The following COPG2 variants were observed in gnomAD, a reference collection of about 807,000 sequenced individuals.
COPG2 encodes coatomer subunit gamma-2.
Under a neutral mutation model 46.3 loss-of-function variants are expected in COPG2, and 37 were observed. That is an observed-to-expected ratio of 0.80 (90% CI 0.61 to 1.05). The LOEUF (loss-of-function observed/expected upper bound fraction) is 1.05, where lower values mean the gene tolerates loss of function less well. COPG2 is among the 50% of genes least tolerant of loss of function. The pLI is 0.00. For synonymous variants in COPG2, 159 were observed against 129.7 expected, an observed-to-expected ratio of 1.23 and a Z score of -1.53; for missense variants, 427 against 387.8, an observed-to-expected ratio of 1.10 and a Z score of -0.85.
At chr7:130,636,049 T>C (rs1293018572) in intron 5 of COPG2, among the ~76,000 whole-genome samples, 10 of 152,226 alleles carry the variant, frequency 6.6e-5, no homozygotes, top group African/African-American at 2.4e-4. Context: ...CTAATTGGAT[T>C]GCACCATGGT....
chr7:130,574,683 G>A (rs1793973704), intron 9 of COPG2, among the ~76,000 whole-genome samples: 1 of 152,074 alleles, frequency 6.6e-6, no homozygotes, highest in South Asian at 2.1e-4. Context: ...CACCAGCAAT[G>A]GATCTAAGCC....
chr7:130,667,623 G>C lies in COPG2; in HGVS notation c.38-89C>G, dbSNP rs964560549. ...CCAGAGAAGGGTACTGAATGCTTGG[G>C]AAGTGAACACTTGGATGGCACAGTG... On this transcript the variant is annotated intron_variant, in intron 1 of 23. Transcript: ENST00000425248. 4.0e-6 allele frequency: 4 copies of C among 989,476 alleles called. No individual in the cohort carries two copies. The African/African-American group carries it at 4.8e-5, about 12-fold the overall frequency. 61.3% of individuals were successfully genotyped at this position (989,476 alleles called of 1,614,324 possible). A position where few individuals can be genotyped will look rare whatever the true frequency, so the allele number is the denominator to read the frequency against.
At chr7:130,513,742 A>G (rs1554441380) in intron 20 of COPG2, among the ~76,000 whole-genome samples, 1 of 152,174 alleles carries the variant, frequency 6.6e-6, no homozygotes, top group Non-Finnish European at 1.5e-5. Flanking sequence ...GTGTTTTCAG[A>G]GTAGTGTGGA....
intron 9 of COPG2, chr7:130,605,589 C>A: frequency 2.5e-6 from 1 of 401,650 alleles, no homozygotes; most frequent in Non-Finnish European, 5.0e-6. Context: ...CCTTTAGTTG[C>A]TCATTGAAAG....
At chr7:130,516,396 G>A (rs1274869677) in intron 20 of COPG2, among the ~76,000 whole-genome samples, 1 of 152,156 alleles carries the variant, frequency 6.6e-6, no homozygotes, top group Non-Finnish European at 1.5e-5. Context: ...ACTATGAAAG[G>A]TTAGGCTATA....
Position 130,557,965 on chromosome 7 carries a change from A to G in COPG2, c.1129-2833T>C, listed in dbSNP as rs963276231. Among the ~76,000 whole-genome samples the G allele has an allele frequency of 7.9e-5, 12 of 152,032 alleles. No individual in the cohort carries two copies. In the South Asian group the frequency reaches 2.5e-3, roughly 32 times the overall value. Reference sequence around the variant, plus strand: ...ATATGAATAAACAGACCAATATATAAGTAGAAAAGACACTCCAGAAACAGA... The same window carrying G: ...ATATGAATAAACAGACCAATATATAGGTAGAAAAGACACTCCAGAAACAGA... On this transcript the variant is annotated intron_variant, in intron 12 of 23. Transcript: ENST00000425248.
At chr7:130,641,968 G>A (rs933752) in intron 5 of COPG2, among the ~76,000 whole-genome samples, 120,888 of 152,086 alleles carry the variant, frequency 0.79, 48,336 homozygotes, top group Non-Finnish European at 0.85. Context: ...TTCTGAAACC[G>A]GGACGTAACT....
At chr7:130,537,043 G>A (rs963914213) in intron 20 of COPG2, among the ~76,000 whole-genome samples, 2 of 152,066 alleles carry the variant, frequency 1.3e-5, no homozygotes, top group African/African-American at 2.4e-5. Flanking sequence ...AGAGGAGCTG[G>A]GTCTCAGGCA....
intron 20 of COPG2, chr7:130,511,648 A>G (rs781887718): frequency 3.5e-5 from 18 of 515,886 alleles, no homozygotes; most frequent in South Asian, 1.4e-4. Context: ...GCCAAAAGTC[A>G]TAAGAGAGTA....
At chr7:130,614,622 G>A (rs1479083077) in intron 6 of COPG2, among the ~76,000 whole-genome samples, 1 of 152,134 alleles carries the variant, frequency 6.6e-6, no homozygotes, top group Admixed American at 6.5e-5. Flanking sequence ...TCAGACACAG[G>A]TGGATATAAG....
rs986360689 is a variant in COPG2 at position 130,549,329 on chromosome 7, G to C, written c.1822C>G (p.Gln608Glu). ...ATCATCATACCTTGGAAAATGTCTT[G>C]CCTGGAAGGAGCCAACTTCTCTGGC... ...TKPEKLAPSR[Q>E]DIFQEQLAAI... The change falls in exon 18 of 24, where the codon CAA (glutamine) becomes GAA (glutamate). Residue 608 changes from glutamine to glutamate, a missense_variant. Coordinates refer to ENST00000425248, the MANE Select transcript of COPG2 (RefSeq NM_012133.6). 2.5e-6 allele frequency: 1 copy of C among 398,516 alleles called. No homozygotes were observed. The highest frequency in any genetic ancestry group is 3.6e-5 in the East Asian group (1 of 28,056). The allele number at this position is 398,516 out of a possible 1,614,324, so 24.7% of individuals were successfully genotyped here. A position where few individuals can be genotyped will look rare whatever the true frequency, so the allele number is the denominator to read the frequency against.
intron 9 of COPG2, chr7:130,608,212 T>C (rs368747353): frequency 2.1e-6 from 1 of 468,338 alleles, no homozygotes; most frequent in Admixed American, 2.3e-5. Flanking sequence ...TACTACTGCA[T>C]GATACAAAAA....
chr7:130,592,384 C>A (rs1794448407), intron 9 of COPG2, among the ~76,000 whole-genome samples: 1 of 143,458 alleles, frequency 7.0e-6, no homozygotes. Flanking sequence ...CGAGAAACAC[C>A]CAAGAATGAT....
intron 9 of COPG2, 140 bp downstream of exon 9, chr7:130,610,813 A>AT (rs1554451933): frequency 7.2e-6 from 6 of 838,260 alleles, no homozygotes; most frequent in Non-Finnish European, 1.2e-5. Context: ...AAATTCCATA[A>AT]TTTTTTTAAA....
chr7:130,612,224 T>C lies in COPG2; in HGVS notation c.507A>G (p.Ile169Met). The change falls in exon 8 of 24, where the codon ATA (isoleucine) becomes ATG (methionine). Residue 169 changes from isoleucine to methionine, a missense_variant. Coordinates refer to ENST00000425248, the MANE Select transcript of COPG2 (RefSeq NM_012133.6). ...TCCAGCGCTTAACCACATCATAGCT[T>C]ATCTTCATCATGTGCTAAATACAGA... is the stretch of plus-strand genomic sequence containing the variant. ...ALVSSLHMMK[I>M]SYDVVKRWIN... 1 of 1,594,818 alleles carries C rather than the reference T, an allele frequency of 6.3e-7. No individual in the cohort carries two copies. Among genetic ancestry groups the C allele is most frequent in the East Asian group, 2.3e-5 (1 of 44,406 alleles).
chr7:130,532,376 T>C (rs1049593730), intron 20 of COPG2, among the ~76,000 whole-genome samples: 26 of 151,666 alleles, frequency 1.7e-4, no homozygotes, highest in Admixed American at 5.3e-4. Flanking sequence ...TCTGTTGTCA[T>C]GGGGAGGGAA....
At chr7:130,615,220 A>G (rs1794929263) in intron 6 of COPG2, among the ~76,000 whole-genome samples, 1 of 152,274 alleles carries the variant, frequency 6.6e-6, no homozygotes, top group South Asian at 2.1e-4. Flanking sequence ...TGTACATAAC[A>G]GAATGCCAGT....
At chr7:130,511,461 G>T (rs1554441003) in intron 20 of COPG2, 2 of 519,956 alleles carry the variant, frequency 3.8e-6, no homozygotes, top group Non-Finnish European at 7.7e-6. Flanking sequence ...CTGGAAAATC[G>T]TGTTGAGTCT....
In COPG2 at chr7:130,548,399, T is replaced by A; in HGVS notation, c.1977+4A>T. 2.5e-6 allele frequency: 1 copy of A among 398,612 alleles called. No individual in the cohort carries two copies. The highest frequency in any genetic ancestry group is 4.4e-6 in the Non-Finnish European group (1 of 226,044). The allele number at this position is 398,612 out of a possible 1,614,324, so 24.7% of individuals were successfully genotyped here. A position where few individuals can be genotyped will look rare whatever the true frequency, so the allele number is the denominator to read the frequency against. On this transcript the variant is annotated splice_donor_region_variant and intron_variant, in intron 19 of 23. Coordinates refer to ENST00000425248, the MANE Select transcript of COPG2 (RefSeq NM_012133.6). ...CTCTACAGCAGCCAAGGGCATTATC[T>A]TACCTGGAACACGATGTGATTGGTA...
Sources: gnomAD v4.1 joint callset for allele counts (sites outside exome capture counted in the v4.1 genomes callset) on GRCh38, gnomAD v4.1.1 for gene constraint, MANE v1.5 for transcripts, NCBI Gene and HGNC (gene_info 2026-07-23, HGNC 2026-07-21) for gene names.